The following MITF variants were observed in gnomAD, a reference collection of about 807,000 sequenced individuals.
The protein encoded by MITF is melanocyte inducing transcription factor, also known as microphthalmia-associated transcription factor.
In MITF, 17 loss-of-function variants were observed where a neutral mutation model predicts 60.5. The observed-to-expected ratio is 0.28, with a 90% confidence interval of 0.19 to 0.42. The LOEUF is 0.42. Ranked by LOEUF, MITF falls within the 10% of genes least tolerant of loss-of-function variation. The pLI, the probability that MITF is intolerant of heterozygous loss-of-function variation, is 1.00. For missense variants in MITF, 622 were observed against 683.5 expected (o/e 0.91, Z 1.00); for synonymous variants, 260 against 248.5 (o/e 1.05, Z -0.43).
intron 5 of MITF, 47 bp from the exon 6 acceptor site, chr3:69,949,004 G>A: frequency 1.5e-6 from 2 of 1,341,334 alleles, no homozygotes; most frequent in South Asian, 1.2e-5. Context: ...GAAAAAACAT[G>A]GGAATTGTTC....
At chr3:69,860,195 G>T (rs2063987532) in intron 1 of MITF, among the ~76,000 whole-genome samples, 1 of 152,154 alleles carries the variant, frequency 6.6e-6, no homozygotes, top group South Asian at 2.1e-4. Context: ...TATTTATTTT[G>T]AGATGAACAC....
intron 1 of MITF, among the ~76,000 whole-genome samples, chr3:69,842,830 C>G (rs2063664338): frequency 6.6e-6 from 1 of 152,144 alleles, no homozygotes; most frequent in African/African-American, 2.4e-5. Context: ...CCATCACCAC[C>G]CCAGGGGTTC....
chr3:69,823,973 C>A (rs930179878), intron 1 of MITF, among the ~76,000 whole-genome samples: 3 of 152,118 alleles, frequency 2.0e-5, no homozygotes, highest in African/African-American at 7.2e-5. Context: ...TGAAGTTATC[C>A]TATTATAAAA....
At chr3:69,898,282 G>A (rs2064922066) in intron 2 of MITF, among the ~76,000 whole-genome samples, 1 of 152,238 alleles carries the variant, frequency 6.6e-6, no homozygotes, top group Non-Finnish European at 1.5e-5. Flanking sequence ...AGCACTGCAT[G>A]TGCAAAGGAC....
At chr3:69,850,363 T>C (rs1405803889) in intron 1 of MITF, among the ~76,000 whole-genome samples, 1 of 152,160 alleles carries the variant, frequency 6.6e-6, no homozygotes, top group African/African-American at 2.4e-5. Context: ...AAAGTCTCAT[T>C]CTCCTTATTG....
At chr3:69,842,727 A>G (rs1021953458) in intron 1 of MITF, among the ~76,000 whole-genome samples, 86 of 142,164 alleles carry the variant, frequency 6.0e-4, no homozygotes, top group African/African-American at 2.1e-3. Context: ...TGCATTTCCA[A>G]AATCAACGTG....
At chr3:69,928,551 T>C (rs779031334) in intron 2 of MITF, among the ~76,000 whole-genome samples, 69 of 152,304 alleles carry the variant, frequency 4.5e-4, no homozygotes, top group Non-Finnish European at 7.6e-4. Context: ...TAAGTGCTCA[T>C]TGAAAGGGAG....
intron 9 of MITF, among the ~76,000 whole-genome samples, chr3:69,963,800 T>C (rs2066610764): frequency 6.6e-6 from 1 of 152,120 alleles, no homozygotes; most frequent in Non-Finnish European, 1.5e-5. Context: ...GAGAACTATC[T>C]TGAGTTTAGT....
At chr3:69,775,542 G>A (rs775101847) in intron 1 of MITF, among the ~76,000 whole-genome samples, 1 of 152,142 alleles carries the variant, frequency 6.6e-6, no homozygotes, top group Admixed American at 6.5e-5. Flanking sequence ...TCTTTAATTG[G>A]TATAGGCTTG....
intron 2 of MITF, among the ~76,000 whole-genome samples, chr3:69,917,589 C>T (rs2065364700): frequency 1.3e-5 from 2 of 152,186 alleles, no homozygotes; most frequent in South Asian, 4.2e-4. Flanking sequence ...CTGATGATTC[C>T]ATTTCTATCC....
chr3:69,963,970 CTTTTTTTTTTTT>C (rs56921812), intron 9 of MITF, among the ~76,000 whole-genome samples: 1 of 86,124 alleles, frequency 1.2e-5, no homozygotes, highest in Non-Finnish European at 2.1e-5. Context: ...TTTTTCTTTT[CTTTTTTTTTTTT>C]TTTTTTTTTT....
chr3:69,959,212 A>G (rs2066477912), intron 8 of MITF, 61 bp from the exon 9 acceptor site: 3 of 1,595,198 alleles, frequency 1.9e-6, no homozygotes, highest in Non-Finnish European at 2.6e-6. Context: ...TGCTTTGAAT[A>G]TTGAATTTTC....
intron 1 of MITF, among the ~76,000 whole-genome samples, chr3:69,829,953 G>GTTTCCTCTAGGGATATCATTAAAGA (rs2063418973): frequency 6.6e-6 from 1 of 152,128 alleles, no homozygotes; most frequent in Non-Finnish European, 1.5e-5. Context: ...TCACTGCCAC[G>GTTTCCTCTAGGGATATCATTAAAGA]TATCACTGTT....
intron 7 of MITF, among the ~76,000 whole-genome samples, chr3:69,952,869 T>C (rs73117392): frequency 0.037 from 5,563 of 152,310 alleles, 137 homozygotes; most frequent in Non-Finnish European, 0.056. Flanking sequence ...ATCTATCTAC[T>C]TTTTGAAAAC....
At chr3:69,802,003 T>A (rs928166060) in intron 1 of MITF, among the ~76,000 whole-genome samples, 3 of 152,172 alleles carry the variant, frequency 2.0e-5, no homozygotes, top group African/African-American at 7.2e-5. Context: ...ATTGTCATTA[T>A]TATTATTTTT....
intron 1 of MITF, among the ~76,000 whole-genome samples, chr3:69,797,816 A>G (rs1175800974): frequency 1.3e-5 from 2 of 152,214 alleles, no homozygotes; most frequent in African/African-American, 2.4e-5. Flanking sequence ...AGTCAGTGCC[A>G]TGGTAACAGG....
At position 69,739,573 on chromosome 3, in the gene MITF, A is replaced by G; in HGVS notation, c.-25A>G. On this transcript the variant is annotated 5_prime_UTR_variant, in exon 1 of 10. Coordinates refer to ENST00000352241, the MANE Select transcript of MITF (RefSeq NM_001354604.2). ...CCGGGCTCTGTTCTCACTTTCCAGC[A>G]GTGGAAGGACGGGAAGCGGGAGCCA... 5 of 1,548,652 alleles carry G rather than the reference A, an allele frequency of 3.2e-6. No homozygotes were observed. Among genetic ancestry groups the G allele is most frequent in the Non-Finnish European group, 4.4e-6 (5 of 1,141,392 alleles).
intron 1 of MITF, among the ~76,000 whole-genome samples, chr3:69,760,798 C>G (rs1353403514): frequency 2.0e-5 from 3 of 152,132 alleles, no homozygotes; most frequent in African/African-American, 7.2e-5. Context: ...GGTAACCAGG[C>G]TCAGCTTACT....
intron 2 of MITF, among the ~76,000 whole-genome samples, chr3:69,882,387 T>A (rs1479146134): frequency 2.6e-5 from 4 of 152,160 alleles, no homozygotes; most frequent in Non-Finnish European, 4.4e-5. Context: ...TGAGTCTTAT[T>A]GCTATATATT....
Sources: gnomAD v4.1 joint callset for allele counts (sites outside exome capture counted in the v4.1 genomes callset) on GRCh38, gnomAD v4.1.1 for gene constraint, MANE v1.5 for transcripts, NCBI Gene and HGNC (gene_info 2026-07-23, HGNC 2026-07-21) for gene names.